The following DNM1 variants were observed in gnomAD, a reference collection of about 807,000 sequenced individuals.
DNM1 encodes the protein dynamin-1.
A neutral mutation model predicts 104.6 loss-of-function variants in DNM1; 29 were observed. The observed-to-expected ratio is 0.28, with a 90% CI of 0.21 to 0.38. The LOEUF is 0.38. Ranked by LOEUF, DNM1 falls within the 10% of genes least tolerant of loss-of-function variation. The pLI, the probability that DNM1 is intolerant of heterozygous loss-of-function variation, is 1.00. For synonymous variants in DNM1, 445 were observed against 475.8 expected (o/e 0.94, Z 0.84); for missense variants, 640 against 1,189.4 (o/e 0.54, Z 6.79).
intron 10 of DNM1, among the ~76,000 whole-genome samples, chr9:128,230,216 C>CAAAA (rs574620137): frequency 1.3e-5 from 1 of 76,690 alleles, no homozygotes; most frequent in Non-Finnish European, 2.6e-5. Context: ...GACTCCGTCT[C>CAAAA]AAAAAAAAAA....
rs1836820442 is a variant in DNM1, at chr9:128,246,487, T to G, written c.1765T>G (p.Phe589Val). ...FMSSKHIFAL[F>V]NTEQRNVYKD... ...GTCGAGCAAGCATATCTTTGCCCTCTTTAACACGGAGCAGAGGTGCCTGCC... is the reference window on the plus strand; with the variant it reads ...GTCGAGCAAGCATATCTTTGCCCTCGTTAACACGGAGCAGAGGTGCCTGCC... Residue 589 changes from phenylalanine to valine, a missense_variant, in exon 16 of 22, where the codon TTT becomes GTT. Transcript: ENST00000372923. 6.2e-7 allele frequency: 1 copy of G among 1,613,830 alleles called. No homozygotes were observed. The highest frequency in any genetic ancestry group is 8.5e-7 in the Non-Finnish European group (1 of 1,179,890).
At chr9:128,212,566 T>G (rs1234201438) in intron 1 of DNM1, among the ~76,000 whole-genome samples, 4 of 152,186 alleles carry the variant, frequency 2.6e-5, no homozygotes. Context: ...TGAATAACTT[T>G]GGAAATGTCT....
chr9:128,241,485 G>A (rs746331966), intron 14 of DNM1, among the ~76,000 whole-genome samples: 8 of 152,158 alleles, frequency 5.3e-5, no homozygotes, highest in African/African-American at 7.2e-5. Flanking sequence ...CCTTAGAACC[G>A]TACTATCATA....
chr9:128,230,743 T>G (rs2131211812), intron 10 of DNM1, among the ~76,000 whole-genome samples: 1 of 152,080 alleles, frequency 6.6e-6, no homozygotes, highest in South Asian at 2.1e-4. Flanking sequence ...TGAGCCACCG[T>G]GCCCAGCCCA....
chr9:128,242,513 A>T (rs1836431914), intron 15 of DNM1, among the ~76,000 whole-genome samples, 168 bp downstream of exon 15: 1 of 152,146 alleles, frequency 6.6e-6, no homozygotes, highest in South Asian at 2.1e-4. Flanking sequence ...TAATCCCAGC[A>T]CTTTGGGAGG....
At position 128,224,240 on chromosome 9, in the gene DNM1, C is replaced by T. The variant is rs764285452; in HGVS notation, c.1197-11C>T. ...GTGACACTCTGCCCTTCTCCCGCTC[C>T]GGGCGTTCAGAACGGGGCTGTTTAC... is the stretch of plus-strand genomic sequence containing the variant. On this transcript the variant is annotated splice_polypyrimidine_tract_variant and intron_variant, in intron 9 of 21. Transcript: ENST00000372923. The surrounding 1 kb of genome is among the most constrained non-coding windows in gnomAD (Gnocchi z 4.3). 2.7e-5 allele frequency: 44 copies of T among 1,612,024 alleles called. No homozygotes were observed. Among genetic ancestry groups the T allele is most frequent in the East Asian group, 6.7e-5 (3 of 44,850 alleles).
chr9:128,239,685 G>T lies in DNM1; in HGVS notation c.1494-43G>T, dbSNP rs1358220855. 5.0e-6 allele frequency: 8 copies of T among 1,592,850 alleles called. No homozygotes were observed. The African/African-American group carries it at 5.4e-5, about 11-fold the overall frequency. ...ACTAAGCAGTGGGCAGTAGAGCTGGGCCTCTTGAGAAGTTCTGAGACTCCT... is the reference window on the plus strand; with the variant it reads ...ACTAAGCAGTGGGCAGTAGAGCTGGTCCTCTTGAGAAGTTCTGAGACTCCT... On this transcript the variant is annotated intron_variant, in intron 12 of 21. Transcript: ENST00000372923.
rs1834724142 is a variant in DNM1 at position 128,218,136 on chromosome 9, G to T, written c.162-95G>T. On this transcript the variant is annotated intron_variant, in intron 1 of 21. Transcript: ENST00000372923. The surrounding 1 kb of genome is among the most constrained non-coding windows in gnomAD (Gnocchi z 4.8). ...GAGCGGTGGAGCCAGCACTTTGGAA[G>T]GAGCTTTGGCTTTCCCAGGGGCCGG... 8.3e-7 allele frequency: 1 copy of T among 1,199,518 alleles called. No homozygotes were observed. The highest frequency in any genetic ancestry group is 1.5e-5 in the African/African-American group (1 of 66,784). The allele number at this position is 1,199,518 out of a possible 1,614,324, so 74.3% of individuals were successfully genotyped here. A position where few individuals can be genotyped will look rare whatever the true frequency, so the allele number is the denominator to read the frequency against.
chr9:128,234,532 C>T (rs749989521), intron 11 of DNM1, among the ~76,000 whole-genome samples: 21 of 152,048 alleles, frequency 1.4e-4, no homozygotes, highest in Admixed American at 2.6e-4. Context: ...CGCCACCATG[C>T]CCGGGTAATT....
At chr9:128,233,687 T>G in intron 10 of DNM1, 3 of 370,342 alleles carry the variant, frequency 8.1e-6, no homozygotes, top group Non-Finnish European at 5.0e-6. Flanking sequence ...CCAGAGGCCT[T>G]AACCTAACCA....
chr9:128,227,344 G>C (rs1056988675), intron 10 of DNM1, among the ~76,000 whole-genome samples: 1 of 129,028 alleles, frequency 7.8e-6, no homozygotes, highest in African/African-American at 2.9e-5. Context: ...TGTAATCCTT[G>C]TATGTTGCTA....
At position 128,220,081 on chromosome 9, in the gene DNM1, G is replaced by A. The variant is rs866946278; in HGVS notation, c.683G>A (p.Arg228His). Reference sequence around the variant, plus strand: ...CTGGAGAACAAGCTGCTCCCCCTGCGCAGAGGTAAGCAGGCCATGCCCCTC... The same window carrying A: ...CTGGAGAACAAGCTGCTCCCCCTGCACAGAGGTAAGCAGGCCATGCCCCTC... ...DVLENKLLPL[R>H]RGYIGVVNRS... is the part of the protein sequence containing the mutation. Residue 228 changes from arginine (R) to histidine (H), a missense_variant, in exon 5 of 22, where the codon CGC becomes CAC. Transcript: ENST00000372923. The surrounding 1 kb of genome is among the most constrained non-coding windows in gnomAD (Gnocchi z 5.2). The A allele has an allele frequency of 2.5e-6, 4 of 1,613,072 alleles. No individual in the cohort carries two copies. Among genetic ancestry groups the A allele is most frequent in the Non-Finnish European group, 3.4e-6 (4 of 1,179,358 alleles).
At chr9:128,246,814 G>A (rs1024116809) in intron 16 of DNM1, 21 of 383,812 alleles carry the variant, frequency 5.5e-5, no homozygotes, top group Admixed American at 3.4e-4. Flanking sequence ...CCCTCCCTCC[G>A]TCCCTTCCTC....
In DNM1 at chr9:128,247,035, A is replaced by G. The variant is rs1836872271; in HGVS notation, c.1782-340A>G. On this transcript the variant is annotated intron_variant, in intron 16 of 21. Transcript: ENST00000372923. The surrounding 1 kb of genome is among the most constrained non-coding windows in gnomAD (Gnocchi z 5.1). The stretch of plus-strand genomic sequence containing the variant: ...GAGAGTTCAGTCCAGCGGCCATCAG[A>G]GGGGTCCTTAGAGAGCCACGGAGAA... The G allele has an allele frequency of 4.1e-6, 1 of 242,472 alleles. No homozygotes were observed. Among genetic ancestry groups the G allele is most frequent in the Non-Finnish European group, 8.2e-6 (1 of 122,460 alleles). 15.0% of individuals were successfully genotyped at this position (242,472 alleles called of 1,614,324 possible).
Position 128,222,953 on chromosome 9 carries a change from A to G in DNM1, c.1196+93A>G. 1.6e-6 allele frequency: 2 copies of G among 1,223,650 alleles called. No homozygotes were observed. The highest frequency in any genetic ancestry group is 2.4e-6 in the Non-Finnish European group (2 of 839,518). 75.8% of individuals were successfully genotyped at this position (1,223,650 alleles called of 1,614,324 possible). A position where few individuals can be genotyped will look rare whatever the true frequency, so the allele number is the denominator to read the frequency against. On this transcript the variant is annotated intron_variant, in intron 9 of 21. Transcript: ENST00000372923. The surrounding 1 kb of genome is among the most constrained non-coding windows in gnomAD (Gnocchi z 7.8). ...AGTGATGAAGTGGGCCTCCCTCAGG[A>G]AGGACTGAAAGCTCTGTTCCCCAGT...
chr9:128,232,255 C>G lies in DNM1; in HGVS notation c.1336-1766C>G, dbSNP rs1004119977. Reference sequence around the variant, plus strand: ...CTCAGAGGAGGCCTGGTGGCTGTGACCCAGTCCCAAATGTCTGCCCAGACT... The same window carrying G: ...CTCAGAGGAGGCCTGGTGGCTGTGAGCCAGTCCCAAATGTCTGCCCAGACT... On this transcript the variant is annotated intron_variant, in intron 10 of 21. Transcript: ENST00000372923. 7 of 336,978 alleles carry G rather than the reference C, an allele frequency of 2.1e-5. No individual in the cohort carries two copies. In the East Asian group the frequency reaches 3.7e-4, roughly 18 times the overall value. The allele number at this position is 336,978 out of a possible 1,614,324, so 20.9% of individuals were successfully genotyped here. A position where few individuals can be genotyped will look rare whatever the true frequency, so the allele number is the denominator to read the frequency against.
At chr9:128,213,270 T>C (rs966222129) in intron 1 of DNM1, among the ~76,000 whole-genome samples, 10 of 152,028 alleles carry the variant, frequency 6.6e-5, no homozygotes, top group Admixed American at 6.6e-4. Context: ...TTAGTAGAGA[T>C]GGGGTTTCAC....
In DNM1 at chr9:128,222,714, G is replaced by A; in HGVS notation, c.1129-79G>A. On this transcript the variant is annotated intron_variant, in intron 8 of 21. Transcript: ENST00000372923. This position sits in a 1 kb window ranked among gnomAD's most constrained non-coding sequence, Gnocchi z 7.8. ...CCACAGGCCCTGATGCCCAGCCCTA[G>A]GTGTGGGGTGGGCCCTGTCTTGACC... 6.3e-7 allele frequency: 1 copy of A among 1,594,992 alleles called. No individual in the cohort carries two copies. The highest frequency in any genetic ancestry group is 8.6e-7 in the Non-Finnish European group (1 of 1,164,104).
intron 11 of DNM1, among the ~76,000 whole-genome samples, chr9:128,235,224 G>A (rs1216758189): frequency 6.6e-6 from 1 of 152,048 alleles, no homozygotes; most frequent in Non-Finnish European, 1.5e-5. Flanking sequence ...GGCCGGGCGT[G>A]GTGGCTCATG....
Sources: gnomAD v4.1 joint callset for allele counts (sites outside exome capture counted in the v4.1 genomes callset) on GRCh38, gnomAD v4.1.1 for gene constraint, Gnocchi (gnomAD v3.1) non-coding constraint, MANE v1.5 for transcripts, NCBI Gene and HGNC (gene_info 2026-07-23, HGNC 2026-07-21) for gene names.